The following KMT2E variants were observed in gnomAD, a reference collection of about 807,000 sequenced individuals.
KMT2E encodes the protein lysine methyltransferase 2E (inactive).
KMT2E carries 30 observed loss-of-function variants against 184.6 expected under a neutral mutation model. The observed-to-expected ratio is 0.16, with a 90% CI of 0.12 to 0.22. The LOEUF (loss-of-function observed/expected upper bound fraction) is 0.22. KMT2E is among the 10% of genes least tolerant of loss of function. The pLI, the probability that KMT2E is intolerant of heterozygous loss-of-function variation, is 1.00. For missense variants in KMT2E, 2,023 were observed against 2,237.4 expected, an observed-to-expected ratio of 0.90 and a Z score of 1.93; for synonymous variants, 815 against 776.5, an observed-to-expected ratio of 1.05 and a Z score of -0.82.
At chr7:105,032,472 A>T (rs942969927) in intron 1 of KMT2E, among the ~76,000 whole-genome samples, 5 of 152,116 alleles carry the variant, frequency 3.3e-5, no homozygotes, top group Admixed American at 6.6e-5. Flanking sequence ...GCAGGATTTT[A>T]AAAAAAAGTT....
At position 105,107,764 on chromosome 7, in the gene KMT2E, G is replaced by A. The variant is rs1307995869; in HGVS notation, c.3307G>A (p.Glu1103Lys). Residue 1103 changes from glutamate to lysine, a missense_variant, in exon 22 of 27, where the codon GAG (glutamate) becomes AAG (lysine). Glu to Lys is a moderately conservative substitution (Grantham distance 56, BLOSUM62 1). Around this residue, in one of 8 missense-constraint regions of KMT2E, gnomAD observed 1,108 missense variants for 1,050.9 expected, o/e 1.05. Coordinates refer to ENST00000311117, the MANE Select transcript of KMT2E (RefSeq NM_182931.3). Reference protein sequence around the residue: ...LEVGGGFRISESKCLMQDDTR... With the variant: ...LEVGGGFRISKSKCLMQDDTR... Reference sequence around the variant, plus strand: ...GGTTGGAGGAGGCTTCCGAATAAGTGAGTCAAAGTGCCTGATGCAGGATGA... The same window carrying A: ...GGTTGGAGGAGGCTTCCGAATAAGTAAGTCAAAGTGCCTGATGCAGGATGA... 6.2e-7 allele frequency: 1 copy of A among 1,614,006 alleles called. No homozygotes were observed. The highest frequency in any genetic ancestry group is 1.3e-5 in the African/African-American group (1 of 74,902).
At position 105,110,501 on chromosome 7, in the gene KMT2E, G is replaced by C; in HGVS notation, c.3869G>C (p.Cys1290Ser). The C allele has an allele frequency of 6.2e-7, 1 of 1,614,150 alleles. No individual in the cohort carries two copies. The highest frequency in any genetic ancestry group is 8.5e-7 in the Non-Finnish European group (1 of 1,180,026). Residue 1290 changes from cysteine (C) to serine (S), a missense_variant, in exon 25 of 27, where the codon TGT (cysteine) becomes TCT (serine). By Grantham distance (112) the Cys-to-Ser change is moderately radical. Coordinates refer to ENST00000311117, the MANE Select transcript of KMT2E (RefSeq NM_182931.3). Reference sequence around the variant, plus strand: ...GGGGGAGAATCACCATGTGTCTCATGTTCACCGAGTCATGTTCAGTCTTCA... The same window carrying C: ...GGGGGAGAATCACCATGTGTCTCATCTTCACCGAGTCATGTTCAGTCTTCA... ...DSGGESPCVS[C>S]SPSHVQSSPS...
chr7:105,077,519 T>C, intron 11 of KMT2E, 86 bp downstream of exon 11: 1 of 1,032,010 alleles, frequency 9.7e-7, no homozygotes, highest in Non-Finnish European at 1.5e-6. Flanking sequence ...TGATTATATG[T>C]ACTTTTTTTC....
intron 1 of KMT2E, among the ~76,000 whole-genome samples, chr7:105,037,643 G>A (rs1477888709): frequency 6.6e-6 from 1 of 152,116 alleles, no homozygotes; most frequent in Non-Finnish European, 1.5e-5. Context: ...GATTACAGGT[G>A]TGAGCCACTG....
In KMT2E at chr7:105,090,027, T is replaced by C; in HGVS notation, c.1377T>C (p.Cys459=). 1 of 1,612,862 alleles carries C rather than the reference T, an allele frequency of 6.2e-7. No homozygotes were observed. Among genetic ancestry groups the C allele is most frequent in the South Asian group, 1.1e-5 (1 of 90,770 alleles). Reference sequence around the variant, plus strand: ...TTTCCAGTAAGTACAAGGTGGACTGTGCATGCCTCAAAGAAAACCCAGAGT... The same window carrying C: ...TTTCCAGTAAGTACAAGGTGGACTGCGCATGCCTCAAAGAAAACCCAGAGT... The part of the protein sequence containing the change: ...DYGNCKYKVD[C]ACLKENPECP... Residue 459 remains cysteine, a synonymous_variant, in exon 14 of 27, where the codon TGT becomes TGC. Transcript: ENST00000311117.
chr7:105,097,911 G>T (rs1427853495), intron 15 of KMT2E, among the ~76,000 whole-genome samples: 1 of 152,138 alleles, frequency 6.6e-6, no homozygotes, highest in African/African-American at 2.4e-5. Flanking sequence ...AGAAGGAAAG[G>T]TCACTGCTCT....
chr7:105,070,073 A>C (rs1002027805), intron 6 of KMT2E, among the ~76,000 whole-genome samples: 1 of 152,042 alleles, frequency 6.6e-6, no homozygotes, highest in African/African-American at 2.4e-5. Flanking sequence ...TCTTTAACCT[A>C]TTCACCCATT....
chr7:105,067,248 T>G (rs1797069689), intron 6 of KMT2E, among the ~76,000 whole-genome samples: 1 of 152,034 alleles, frequency 6.6e-6, no homozygotes, highest in South Asian at 2.1e-4. Context: ...GTTTTTACTT[T>G]ATTAATGATG....
intron 22 of KMT2E, 111 bp downstream of exon 22, chr7:105,108,036 TA>T: frequency 1.5e-6 from 1 of 675,398 alleles, no homozygotes; most frequent in Non-Finnish European, 2.2e-6. Flanking sequence ...ATTTAGTTAT[TA>T]AAGTTACATT....
chr7:105,064,494 G>A (rs1357466697), intron 5 of KMT2E, among the ~76,000 whole-genome samples: 2 of 151,976 alleles, frequency 1.3e-5, no homozygotes, highest in Non-Finnish European at 2.9e-5. Flanking sequence ...ATTAGATTAG[G>A]TGATTAGGAG....
At chr7:105,028,473 A>G (rs1163475832) in intron 1 of KMT2E, among the ~76,000 whole-genome samples, 2 of 150,900 alleles carry the variant, frequency 1.3e-5, no homozygotes, top group Non-Finnish European at 2.9e-5. Flanking sequence ...GTCGAGACTG[A>G]GACATTTCTG....
chr7:105,047,420 C>T (rs994637172), intron 3 of KMT2E, among the ~76,000 whole-genome samples: 1 of 152,324 alleles, frequency 6.6e-6, no homozygotes. Context: ...TCTGGTAACT[C>T]TTGTCTGCAC....
At chr7:105,051,135 T>TCCTC (rs1796328494) in intron 3 of KMT2E, among the ~76,000 whole-genome samples, 1 of 150,616 alleles carries the variant, frequency 6.6e-6, no homozygotes, top group Non-Finnish European at 1.5e-5. Flanking sequence ...TTTCCTCTCT[T>TCCTC]CCTCCCTCCC....
chr7:105,111,281 T>C (rs546217266), intron 26 of KMT2E: 131 of 170,754 alleles, frequency 7.7e-4, no homozygotes, highest in African/African-American at 3.1e-3. Flanking sequence ...ATGTAAATCA[T>C]TGGAAACTAA....
At chr7:105,103,753 T>TG (rs1798763588) in intron 17 of KMT2E, 1 of 127,352 alleles carries the variant, frequency 7.9e-6, no homozygotes, top group Non-Finnish European at 1.5e-5. Flanking sequence ...TGTGTGTTTC[T>TG]GTGTGTGTGT....
chr7:105,057,225 C>T (rs538155674), intron 3 of KMT2E, among the ~76,000 whole-genome samples: 2 of 152,214 alleles, frequency 1.3e-5, no homozygotes, highest in Middle Eastern at 3.4e-3. Flanking sequence ...GGAGGAAAAG[C>T]GATAGACTAC....
At position 105,090,258 on chromosome 7, in the gene KMT2E, A is replaced by C. The variant is rs1296472760; in HGVS notation, c.1608A>C (p.Ser536=). The stretch of plus-strand genomic sequence containing the variant: ...GAAAGCTTTCTCCACTGAGACTATC[A>C]GTATCAAATAATCAGGTACTGAACT... ...KQRKLSPLRL[S]VSNNQEPDFI... The change falls in exon 14 of 27, where the codon TCA becomes TCC. Residue 536 remains serine (S), a synonymous_variant. Transcript: ENST00000311117. 6.3e-7 allele frequency: 1 copy of C among 1,591,996 alleles called. No individual in the cohort carries two copies. Among genetic ancestry groups the C allele is most frequent in the South Asian group, 1.2e-5 (1 of 86,264 alleles).
rs13240407 is a variant in KMT2E at position 105,017,982 on chromosome 7, C to G, written c.-189+3447C>G. On this transcript the variant is annotated intron_variant, in intron 1 of 26. Coordinates refer to ENST00000311117, the MANE Select transcript of KMT2E (RefSeq NM_182931.3). ...TTGCCATATATGCCCCCAGTAAGCT[C>G]TAGGACTTCTTGAGTCTATTGAGGC... Among the ~76,000 whole-genome samples the G allele has an allele frequency of 7.0e-4, 107 of 152,210 alleles. 2 individuals carry two copies. The highest frequency in any genetic ancestry group is 2.5e-3 in the African/African-American group (102 of 41,538).
At chr7:105,099,746 G>C (rs1240321586) in intron 15 of KMT2E, among the ~76,000 whole-genome samples, 3 of 151,944 alleles carry the variant, frequency 2.0e-5, no homozygotes, top group Non-Finnish European at 4.4e-5. Flanking sequence ...GTTTCTTCTG[G>C]AAAAATGTAC....
Sources: allele counts gnomAD v4.1 joint callset (sites outside exome capture counted in the v4.1 genomes callset), GRCh38; gene constraint gnomAD v4.1.1; regional missense constraint gnomAD v4.1.1; transcripts MANE v1.5; gene names NCBI Gene and HGNC (gene_info 2026-07-23, HGNC 2026-07-21).